The following PFKFB3 variants were observed in gnomAD, a reference collection of about 807,000 sequenced individuals.
The protein encoded by PFKFB3 is 6-phosphofructo-2-kinase/fructose-2,6-bisphosphatase 3.
A neutral mutation model predicts 68.0 loss-of-function variants in PFKFB3; 33 were observed. The observed-to-expected ratio is 0.49, with a 90% CI of 0.37 to 0.65. PFKFB3 has a LOEUF of 0.65. Among genes scored for constraint, PFKFB3 ranks in the 30% least tolerant of loss-of-function variants. The probability of loss-of-function intolerance (pLI) is 0.00; values close to 1 mark genes in which losing one functional copy is unlikely to be tolerated. For synonymous variants in PFKFB3, 315 were observed against 288.2 expected, an observed-to-expected ratio of 1.09 and a Z score of -0.94; for missense variants, 586 against 712.2, an observed-to-expected ratio of 0.82 and a Z score of 2.02.
intron 1 of PFKFB3, among the ~76,000 whole-genome samples, chr10:6,166,865 T>C (rs1842158852): frequency 6.6e-6 from 1 of 150,760 alleles, no homozygotes; most frequent in Non-Finnish European, 1.5e-5. Context: ...GTTTGGCTCT[T>C]GTTGCCTAGG....
chr10:6,156,071 T>C (rs1042295829), intron 1 of PFKFB3, among the ~76,000 whole-genome samples: 3 of 152,150 alleles, frequency 2.0e-5, no homozygotes, highest in Non-Finnish European at 4.4e-5. Context: ...CCTGTGTGTC[T>C]GTGTGTTACC....
chr10:6,146,162 C>A (rs1333892220), intron 1 of PFKFB3: 1 of 931,094 alleles, frequency 1.1e-6, no homozygotes. Flanking sequence ...CCTGGCCTCC[C>A]CTGGCACTGG....
the PFKFB3 span, among the ~76,000 whole-genome samples, chr10:6,301,560 T>C: frequency 6.6e-6 from 1 of 152,222 alleles, no homozygotes. Flanking sequence ...ATTTTCAGGT[T>C]TTTTACTTAC....
chr10:6,169,539 C>T (rs764288975), intron 1 of PFKFB3, among the ~76,000 whole-genome samples: 2 of 152,088 alleles, frequency 1.3e-5, no homozygotes, highest in African/African-American at 2.4e-5. Flanking sequence ...GTGTCTGTTC[C>T]CCAGGCCCTG....
chr10:6,146,504 T>G (rs2131665043), intron 1 of PFKFB3: 9 of 1,534,604 alleles, frequency 5.9e-6, no homozygotes, highest in Non-Finnish European at 7.9e-6. Context: ...CAGGTATGAT[T>G]CGGCCACCTT....
intron 14 of PFKFB3, among the ~76,000 whole-genome samples, chr10:6,241,573 T>C (rs374959207): frequency 5.8e-4 from 89 of 152,322 alleles, no homozygotes; most frequent in African/African-American, 2.1e-3. Context: ...GGCTCATGCC[T>C]GTAATCTCAG....
chr10:6,200,935 G>A (rs969035879), upstream of PFKFB3, among the ~76,000 whole-genome samples: 2 of 152,204 alleles, frequency 1.3e-5, no homozygotes, highest in Non-Finnish European at 2.9e-5. Flanking sequence ...GGCAGACGCC[G>A]TCTCTCTGCT....
chr10:6,260,917 T>A, the PFKFB3 span, among the ~76,000 whole-genome samples: 1 of 152,212 alleles, frequency 6.6e-6, no homozygotes, highest in African/African-American at 2.4e-5. Flanking sequence ...ACATTGGATA[T>A]GTAAATGGGA....
chr10:6,262,200 G>A, the PFKFB3 span, among the ~76,000 whole-genome samples: 79,462 of 151,502 alleles, frequency 0.52, 22,627 homozygotes, highest in Non-Finnish European at 0.66. Flanking sequence ...CACGCCTGTA[G>A]TCCCAGCAGT....
intron 1 of PFKFB3, among the ~76,000 whole-genome samples, chr10:6,203,627 C>A (rs1235181072): frequency 2.0e-5 from 3 of 151,834 alleles, no homozygotes; most frequent in Non-Finnish European, 4.4e-5. Context: ...AGGGGATCCA[C>A]ATCCTCCGCG....
At chr10:6,214,883 C>T (rs1844458032) in intron 2 of PFKFB3, among the ~76,000 whole-genome samples, 1 of 152,186 alleles carries the variant, frequency 6.6e-6, no homozygotes, top group Non-Finnish European at 1.5e-5. Context: ...CCTATTTTTG[C>T]TAGACTTGGG....
chr10:6,153,624 C>T (rs890098942), intron 1 of PFKFB3, among the ~76,000 whole-genome samples: 1 of 152,140 alleles, frequency 6.6e-6, no homozygotes, highest in Admixed American at 6.5e-5. Context: ...GAGGCCGAGG[C>T]AGGCGGATCA....
intron 13 of PFKFB3, 190 bp downstream of exon 13, chr10:6,224,403 C>G: frequency 1.6e-6 from 1 of 629,980 alleles, no homozygotes; most frequent in Non-Finnish European, 2.8e-6. Context: ...GGGGCCTTCT[C>G]ATTTTCTTTC....
At chr10:6,146,478 G>C in intron 1 of PFKFB3, 1 of 1,535,558 alleles carries the variant, frequency 6.5e-7, no homozygotes, top group Admixed American at 2.0e-5. Context: ...CACTGTCTTC[G>C]GTGTCTCCAT....
chr10:6,178,750 C>T (rs1464534942), intron 1 of PFKFB3, among the ~76,000 whole-genome samples: 1 of 152,222 alleles, frequency 6.6e-6, no homozygotes, highest in Admixed American at 6.5e-5. Flanking sequence ...GTGTGCAGCA[C>T]GGACTGGGGG....
At chr10:6,274,991 GA>G in the PFKFB3 span, among the ~76,000 whole-genome samples, 2 of 152,180 alleles carry the variant, frequency 1.3e-5, no homozygotes, top group African/African-American at 4.8e-5. Context: ...TGGAGGAAAA[GA>G]TTTTTTTTCC....
At chr10:6,194,877 CT>C (rs113217222) in intron 1 of PFKFB3, among the ~76,000 whole-genome samples, 5,402 of 144,026 alleles carry the variant, frequency 0.038, 296 homozygotes, top group African/African-American at 0.12. Context: ...TTTCTTTTTT[CT>C]TTTTTTTTTT....
chr10:6,292,278 C>CTTTTTTT, the PFKFB3 span, among the ~76,000 whole-genome samples: 23 of 54,306 alleles, frequency 4.2e-4, no homozygotes, highest in East Asian at 2.1e-3. Flanking sequence ...TTTTTTTTTT[C>CTTTTTTT]TTTTTTTTTT....
At chr10:6,199,658 ATTTTTTTTTTTTTT>A (rs143309528), upstream of PFKFB3, among the ~76,000 whole-genome samples, 4 of 75,596 alleles carry the variant, frequency 5.3e-5, no homozygotes, top group East Asian at 1.6e-3. Flanking sequence ...CTATTTTTAA[ATTTTTTTTTTTTTT>A]TTTTTTTTTT....
Sources: gnomAD v4.1 joint callset for allele counts (sites outside exome capture counted in the v4.1 genomes callset) on GRCh38, gnomAD v4.1.1 for gene constraint, MANE v1.5 for transcripts, NCBI Gene and HGNC (gene_info 2026-07-23, HGNC 2026-07-21) for gene names.